UGGT2: variants seen among roughly 807,000 people sequenced by gnomAD.
UGGT2 encodes UDP-glucose:glycoprotein glucosyltransferase 2.
In UGGT2, 180 loss-of-function variants were observed where a neutral mutation model predicts 192.1. The observed-to-expected ratio is 0.94, with a 90% CI of 0.83 to 1.06. The LOEUF is 1.06. Ranked by LOEUF, UGGT2 falls within the 50% of genes least tolerant of loss-of-function variation. The pLI is 0.00. For synonymous variants in UGGT2, 580 were observed against 591.0 expected, an observed-to-expected ratio of 0.98 and a Z score of 0.27; for missense variants, 1,849 against 1,795.7, an observed-to-expected ratio of 1.03 and a Z score of -0.54.
In UGGT2 at chr13:96,053,267, A is replaced by G; in HGVS notation, c.46T>C (p.Ser16Pro). 6.4e-7 allele frequency: 1 copy of G among 1,573,108 alleles called. No homozygotes were observed. The highest frequency in any genetic ancestry group is 1.2e-5 in the South Asian group (1 of 86,254). The change falls in exon 1 of 39, where the codon TCC becomes CCC. Residue 16 changes from serine (S) to proline (P), a missense_variant. Ser to Pro is a moderately conservative substitution (Grantham distance 74, BLOSUM62 -1). Coordinates refer to ENST00000376747, the MANE Select transcript of UGGT2 (RefSeq NM_020121.4). ...ATNVVRLLLG[S>P]TALWLSQLGS... ...AGCTGCGAAAGCCACAGCGCTGTGG[A>G]GCCTAGTAGCAGCCGCACCACGTTC...
chr13:95,984,881 T>C (rs2051241546), intron 9 of UGGT2: 1 of 152,972 alleles, frequency 6.5e-6, no homozygotes, highest in Non-Finnish European at 1.5e-5. Context: ...TTTGGCAGCA[T>C]TGTGAGAAAT....
chr13:95,943,224 A>G (rs1414710761), intron 15 of UGGT2, among the ~76,000 whole-genome samples: 1 of 152,094 alleles, frequency 6.6e-6, no homozygotes, highest in Non-Finnish European at 1.5e-5. Context: ...ATCACATTTC[A>G]CAAAAATCCC....
intron 20 of UGGT2, among the ~76,000 whole-genome samples, chr13:95,921,231 T>C (rs562191431): frequency 2.0e-5 from 3 of 151,466 alleles, no homozygotes; most frequent in African/African-American, 7.3e-5. Context: ...TCAGGAAGAA[T>C]AGCTAAGGGA....
intron 2 of UGGT2, among the ~76,000 whole-genome samples, chr13:96,031,046 C>T (rs2139155257): frequency 6.6e-6 from 1 of 152,128 alleles, no homozygotes; most frequent in South Asian, 2.1e-4. Flanking sequence ...AAACTATGGA[C>T]CTTGCGTATT....
chr13:95,985,349 G>T, intron 9 of UGGT2: 1 of 1,121,336 alleles, frequency 8.9e-7, no homozygotes, highest in Non-Finnish European at 1.2e-6. Context: ...TGTAAATAAG[G>T]AAACAAACTC....
intron 4 of UGGT2, among the ~76,000 whole-genome samples, chr13:96,014,901 TAC>T (rs2052279687): frequency 6.6e-6 from 1 of 152,184 alleles, no homozygotes; most frequent in African/African-American, 2.4e-5. Context: ...ATCATAGAAG[TAC>T]ATTTAGTAAT....
At chr13:95,921,549 A>G (rs2048845944) in intron 20 of UGGT2, among the ~76,000 whole-genome samples, 1 of 152,112 alleles carries the variant, frequency 6.6e-6, no homozygotes, top group Non-Finnish European at 1.5e-5. Context: ...AAGAAACATT[A>G]ACTGGCTAGT....
intron 11 of UGGT2, among the ~76,000 whole-genome samples, chr13:95,972,119 CA>C (rs2050790563): frequency 7.1e-6 from 1 of 141,788 alleles, no homozygotes; most frequent in Non-Finnish European, 1.5e-5. Context: ...AAATTCTGAG[CA>C]AAAAAATTTT....
At chr13:95,912,807 T>A (rs1359694969) in intron 20 of UGGT2, among the ~76,000 whole-genome samples, 1 of 152,160 alleles carries the variant, frequency 6.6e-6, no homozygotes, top group Non-Finnish European at 1.5e-5. Flanking sequence ...AGAACAAAGC[T>A]GGAGGCATCA....
chr13:95,905,084 T>G, intron 20 of UGGT2, among the ~76,000 whole-genome samples: 1 of 152,088 alleles, frequency 6.6e-6, no homozygotes, highest in Non-Finnish European at 1.5e-5. Context: ...TTTGGCTGCA[T>G]AAATGTCTTC....
chr13:95,942,869 T>C (rs1031365220), intron 15 of UGGT2, among the ~76,000 whole-genome samples: 1 of 152,198 alleles, frequency 6.6e-6, no homozygotes, highest in Admixed American at 6.5e-5. Context: ...AACCCTTACC[T>C]TGAGGTCCTA....
chr13:95,918,698 C>G (rs1566693491), intron 20 of UGGT2, among the ~76,000 whole-genome samples: 1 of 152,094 alleles, frequency 6.6e-6, no homozygotes, highest in African/African-American at 2.4e-5. Context: ...GGCATCAGAA[C>G]CAACAACAAG....
At chr13:95,825,511 T>G (rs941570447) in intron 38 of UGGT2, among the ~76,000 whole-genome samples, 1 of 152,136 alleles carries the variant, frequency 6.6e-6, no homozygotes, top group Non-Finnish European at 1.5e-5. Flanking sequence ...CATGTTGATG[T>G]TCTAAGGAGA....
At position 95,925,768 on chromosome 13, in the gene UGGT2, C is replaced by T. The variant is rs1431255445; in HGVS notation, c.2207G>A (p.Ser736Asn). The change falls in exon 20 of 39, where the codon AGT becomes AAT. Residue 736 changes from serine to asparagine, a missense_variant. Ser to Asn is a conservative substitution (Grantham distance 46, BLOSUM62 1). Transcript: ENST00000376747. ...NMYYLTQDDE[S>N]IISAVTLWII... ...CCAGAGAGTGACTGCAGAAATTATACTCTCATCTGAAAGTTTCAAACAGTT... is the reference window on the plus strand; with the variant it reads ...CCAGAGAGTGACTGCAGAAATTATATTCTCATCTGAAAGTTTCAAACAGTT... The T allele has an allele frequency of 2.3e-5, 36 of 1,536,708 alleles. No homozygotes were observed. The highest frequency in any genetic ancestry group is 3.2e-5 in the Non-Finnish European group (36 of 1,138,762).
In UGGT2 at chr13:95,859,662, A is replaced by G. The variant is rs757932072; in HGVS notation, c.3754T>C (p.Ser1252Pro). Reference sequence around the variant, plus strand: ...GGTGTTTTGGTGTTACGCAAAACAGAAAGCATCATAATTCTGTATAAAAGA... The same window carrying G: ...GGTGTTTTGGTGTTACGCAAAACAGGAAGCATCATAATTCTGTATAAAAGA... ...YERFLRIMML[S>P]VLRNTKTPVK... Residue 1252 changes from serine to proline, a missense_variant, in exon 33 of 39, where the codon TCT (serine) becomes CCT (proline). Coordinates refer to ENST00000376747, the MANE Select transcript of UGGT2 (RefSeq NM_020121.4). The G allele has an allele frequency of 1.7e-5, 27 of 1,608,710 alleles. No individual in the cohort carries two copies. The highest frequency in any genetic ancestry group is 2.3e-5 in the Non-Finnish European group (27 of 1,177,098).
intron 17 of UGGT2, among the ~76,000 whole-genome samples, chr13:95,931,710 C>T (rs534583769): frequency 4.6e-5 from 7 of 152,224 alleles, no homozygotes; most frequent in South Asian, 2.1e-4. Context: ...CTGCCCGGGC[C>T]GGCAGCGCCC....
intron 20 of UGGT2, among the ~76,000 whole-genome samples, chr13:95,919,335 C>A (rs985647072): frequency 3.0e-4 from 45 of 152,154 alleles, no homozygotes; most frequent in African/African-American, 9.4e-4. Flanking sequence ...TCTCACCACT[C>A]CTATTCAACA....
intron 29 of UGGT2, among the ~76,000 whole-genome samples, chr13:95,871,969 T>C (rs1891260646): frequency 2.4e-5 from 1 of 41,426 alleles, no homozygotes; most frequent in Non-Finnish European, 6.6e-5. Flanking sequence ...CTGTCCTTCC[T>C]CCTACAAAAA....
intron 20 of UGGT2, among the ~76,000 whole-genome samples, chr13:95,917,003 A>G (rs2048700902): frequency 6.6e-6 from 1 of 152,180 alleles, no homozygotes; most frequent in Admixed American, 6.6e-5. Context: ...AACTTCCCCA[A>G]TCTAGCAGGA....
Sources: gnomAD v4.1 joint callset for allele counts (sites outside exome capture counted in the v4.1 genomes callset) on GRCh38, gnomAD v4.1.1 for gene constraint, MANE v1.5 for transcripts, NCBI Gene and HGNC (gene_info 2026-07-23, HGNC 2026-07-21) for gene names.